The following TGFBR2 variants were observed in gnomAD, a reference collection of about 807,000 sequenced individuals.
TGFBR2 encodes transforming growth factor beta receptor 2.
TGFBR2 carries 18 observed loss-of-function variants against 49.0 expected under a neutral mutation model. That is an observed-to-expected ratio of 0.37 (90% CI 0.25 to 0.54). TGFBR2 has a LOEUF of 0.54. Ranked by LOEUF, TGFBR2 falls within the 20% of genes least tolerant of loss-of-function variation. The pLI, the probability that TGFBR2 is intolerant of heterozygous loss-of-function variation, is 0.85. For missense variants in TGFBR2, 525 were observed against 722.6 expected, an observed-to-expected ratio of 0.73 and a Z score of 3.13; for synonymous variants, 282 against 275.9, an observed-to-expected ratio of 1.02 and a Z score of -0.22.
At chr3:30,657,489 G>A (rs576427181) in intron 3 of TGFBR2, among the ~76,000 whole-genome samples, 1 of 152,324 alleles carries the variant, frequency 6.6e-6, no homozygotes, top group Non-Finnish European at 1.5e-5. Context: ...TCAGCCGTGT[G>A]TAAGCTCTTG....
chr3:30,650,114 G>A (rs772829445), intron 2 of TGFBR2, among the ~76,000 whole-genome samples, 156 bp from the exon 3 acceptor site: 8 of 152,158 alleles, frequency 5.3e-5, no homozygotes, highest in Non-Finnish European at 1.0e-4. Context: ...GACAGCCTGC[G>A]AATGCTGGAG....
chr3:30,633,666 C>T (rs968694758), intron 1 of TGFBR2, among the ~76,000 whole-genome samples: 1 of 152,178 alleles, frequency 6.6e-6, no homozygotes, highest in African/African-American at 2.4e-5. Flanking sequence ...TCACAGTCAG[C>T]TGACTGTTGT....
chr3:30,647,420 C>A (rs1698762773), intron 2 of TGFBR2, among the ~76,000 whole-genome samples: 1 of 152,160 alleles, frequency 6.6e-6, no homozygotes, highest in African/African-American at 2.4e-5. Flanking sequence ...GCACAGAACT[C>A]TCACAGCCTC....
intron 1 of TGFBR2, among the ~76,000 whole-genome samples, chr3:30,626,986 A>T (rs189066198): frequency 6.6e-6 from 1 of 152,226 alleles, no homozygotes; most frequent in Non-Finnish European, 1.5e-5. Context: ...TCACTGGCAG[A>T]TTGTAAGTAG....
intron 1 of TGFBR2, among the ~76,000 whole-genome samples, chr3:30,621,580 C>T (rs1328027567): frequency 6.6e-6 from 1 of 152,132 alleles, no homozygotes; most frequent in East Asian, 1.9e-4. Flanking sequence ...TGCACCTGAC[C>T]AGAATTTTAA....
intron 1 of TGFBR2, among the ~76,000 whole-genome samples, chr3:30,634,091 C>A: frequency 6.6e-6 from 1 of 152,160 alleles, no homozygotes; most frequent in South Asian, 2.1e-4. Context: ...AAGAACCCCG[C>A]AGCATATTTT....
chr3:30,679,896 G>A (rs1699509607), intron 5 of TGFBR2, among the ~76,000 whole-genome samples: 1 of 152,210 alleles, frequency 6.6e-6, no homozygotes, highest in Non-Finnish European at 1.5e-5. Flanking sequence ...GGGATGCTGA[G>A]GAAGGCAGAT....
Position 30,643,303 on chromosome 3 carries a change from T to G in TGFBR2, c.95-1444T>G, listed in dbSNP as rs76672770. ...CCAGCACCCCATGCGGTCTAAGTGC[T>G]TAATGTTTCTTAGTCTAGCATGTAA... is the stretch of plus-strand genomic sequence containing the variant. On this transcript the variant is annotated intron_variant, in intron 1 of 6. Coordinates refer to ENST00000295754, the MANE Select transcript of TGFBR2 (RefSeq NM_003242.6). Among the ~76,000 whole-genome samples, 101 of 152,364 alleles carry G rather than the reference T, an allele frequency of 6.6e-4. 3 individuals carry two copies. The East Asian group carries it at 0.017, about 26-fold the overall frequency.
At chr3:30,631,444 A>G (rs1698435184) in intron 1 of TGFBR2, among the ~76,000 whole-genome samples, 1 of 152,076 alleles carries the variant, frequency 6.6e-6, no homozygotes, top group Non-Finnish European at 1.5e-5. Context: ...CAAGGTCATG[A>G]CAGCAATGAG....
intron 5 of TGFBR2, among the ~76,000 whole-genome samples, chr3:30,680,369 CTG>C (rs950171789): frequency 1.4e-4 from 22 of 152,266 alleles, no homozygotes; most frequent in African/African-American, 5.3e-4. Context: ...TTTGAGATAA[CTG>C]TTTTATCTTT....
At chr3:30,648,152 T>C (rs1177243178) in intron 2 of TGFBR2, among the ~76,000 whole-genome samples, 1 of 152,188 alleles carries the variant, frequency 6.6e-6, no homozygotes, top group African/African-American at 2.4e-5. Flanking sequence ...TGTGCCTGGC[T>C]GTTACAGGAG....
At chr3:30,691,305 A>G (rs1259169254) in intron 6 of TGFBR2, 115 bp from the exon 7 acceptor site, 4 of 1,153,778 alleles carry the variant, frequency 3.5e-6, no homozygotes, top group Admixed American at 2.0e-5. Context: ...TGTTAAATGC[A>G]CAGGCACTTT....
chr3:30,606,971 A>C lies in TGFBR2; in HGVS notation c.88A>C (p.Lys30Gln). The C allele has an allele frequency of 6.3e-7, 1 of 1,596,510 alleles. No individual in the cohort carries two copies. Among genetic ancestry groups the C allele is most frequent in the Non-Finnish European group, 8.5e-7 (1 of 1,171,834 alleles). Residue 30 changes from lysine to glutamine, a missense_variant, in exon 1 of 7, where the codon AAG becomes CAG. This residue lies in a region of TGFBR2 where 376 missense variants were observed against 478.2 expected (regional missense o/e 0.79). Coordinates refer to ENST00000295754, the MANE Select transcript of TGFBR2 (RefSeq NM_003242.6). ...CAGCACGATCCCACCGCACGTTCAG[A>C]AGTCGGGTGAGTGGTCCCCAGCCCG... The part of the protein sequence containing the change: ...IASTIPPHVQ[K>Q]SVNNDMIVTD...
chr3:30,681,594 T>C (rs148641607), intron 5 of TGFBR2, among the ~76,000 whole-genome samples: 1,927 of 152,282 alleles, frequency 0.013, 10 homozygotes, highest in Non-Finnish European at 0.018. Context: ...GTGAAAAGAC[T>C]GCAGAGAGAG....
At chr3:30,677,378 G>C (rs1699458791) in intron 5 of TGFBR2, among the ~76,000 whole-genome samples, 1 of 152,192 alleles carries the variant, frequency 6.6e-6, no homozygotes, top group African/African-American at 2.4e-5. Context: ...TGGGGAACCG[G>C]AAAGAGGCCA....
At chr3:30,690,203 T>C (rs761167064) in intron 6 of TGFBR2, among the ~76,000 whole-genome samples, 6 of 152,218 alleles carry the variant, frequency 3.9e-5, no homozygotes, top group Non-Finnish European at 8.8e-5. Flanking sequence ...GATCTTACAA[T>C]TGGGAGGAGC....
intron 3 of TGFBR2, among the ~76,000 whole-genome samples, chr3:30,663,748 G>C (rs1023496540): frequency 1.3e-5 from 2 of 152,134 alleles, no homozygotes; most frequent in African/African-American, 4.8e-5. Context: ...TATATTTTCT[G>C]ACCTGACCAG....
intron 3 of TGFBR2, among the ~76,000 whole-genome samples, chr3:30,668,648 G>C (rs76248649): frequency 3.4e-4 from 52 of 151,778 alleles, no homozygotes; most frequent in African/African-American, 1.2e-3. Flanking sequence ...CCCTACTCTT[G>C]CCTGTTCTTT....
chr3:30,681,831 G>C (rs997462691), intron 5 of TGFBR2, among the ~76,000 whole-genome samples: 7 of 152,146 alleles, frequency 4.6e-5, no homozygotes, highest in African/African-American at 1.7e-4. Flanking sequence ...CCTGGAACAA[G>C]AATTTGAGTA....
Sources: allele counts gnomAD v4.1 joint callset (sites outside exome capture counted in the v4.1 genomes callset), GRCh38; gene constraint gnomAD v4.1.1; regional missense constraint gnomAD v4.1.1; transcripts MANE v1.5; gene names NCBI Gene and HGNC (gene_info 2026-07-23, HGNC 2026-07-21).